The following ABCA13 variants were observed in gnomAD, a reference collection of about 807,000 sequenced individuals.
ABCA13 encodes ATP binding cassette subfamily A member 13, also known as ATP-binding cassette sub-family A member 13.
Under a neutral mutation model 478.7 loss-of-function variants are expected in ABCA13, and 476 were observed. That is an observed-to-expected ratio of 0.99 (90% CI 0.92 to 1.07). The LOEUF is 1.07. Ranked by LOEUF, ABCA13 falls within the 50% of genes least tolerant of loss-of-function variation. ABCA13 has a pLI of 0.00. For missense variants in ABCA13, 6,060 were observed against 5,910.6 expected, an observed-to-expected ratio of 1.03 and a Z score of -0.83; for synonymous variants, 2,252 against 2,158.9, an observed-to-expected ratio of 1.04 and a Z score of -1.20.
At chr7:48,398,746 G>A (rs1817195910) in intron 38 of ABCA13, among the ~76,000 whole-genome samples, 1 of 152,164 alleles carries the variant, frequency 6.6e-6, no homozygotes, top group African/African-American at 2.4e-5. Context: ...CAGGTTGGAG[G>A]TACATTTGTT....
At chr7:48,526,942 C>G (rs1372467714) in intron 54 of ABCA13, among the ~76,000 whole-genome samples, 1 of 152,068 alleles carries the variant, frequency 6.6e-6, no homozygotes, top group Non-Finnish European at 1.5e-5. Context: ...TTTTGGAAGT[C>G]ACAGCATCAT....
intron 39 of ABCA13, 134 bp downstream of exon 39, chr7:48,404,013 A>T (rs1323312795): frequency 9.1e-7 from 1 of 1,098,422 alleles, no homozygotes; most frequent in Non-Finnish European, 1.3e-6. Flanking sequence ...ATAAATTTTT[A>T]AAAGCACTTA....
chr7:48,341,855 TGA>T (rs1491105975), intron 29 of ABCA13, among the ~76,000 whole-genome samples: 6 of 134,978 alleles, frequency 4.4e-5, no homozygotes, highest in African/African-American at 1.6e-4. Flanking sequence ...TATATCTTTC[TGA>T]TATATATATA....
At chr7:48,305,850 C>G (rs1800827103) in intron 23 of ABCA13, among the ~76,000 whole-genome samples, 1 of 152,212 alleles carries the variant, frequency 6.6e-6, no homozygotes, top group Non-Finnish European at 1.5e-5. Context: ...ATCCTAAGCC[C>G]CCTTACAGCT....
At chr7:48,182,177 A>C (rs1795786754) in intron 1 of ABCA13, among the ~76,000 whole-genome samples, 1 of 152,222 alleles carries the variant, frequency 6.6e-6, no homozygotes, top group South Asian at 2.1e-4. Flanking sequence ...CGGATTCAAA[A>C]AATGTCCATA....
chr7:48,333,384 T>A (rs1805709284), intron 27 of ABCA13, among the ~76,000 whole-genome samples: 1 of 152,356 alleles, frequency 6.6e-6, no homozygotes, highest in East Asian at 1.9e-4. Flanking sequence ...AAGCATTTTT[T>A]AAATGATGGG....
At chr7:48,355,637 C>T (rs1200541991) in intron 31 of ABCA13, among the ~76,000 whole-genome samples, 1 of 151,928 alleles carries the variant, frequency 6.6e-6, no homozygotes, top group East Asian at 1.9e-4. Flanking sequence ...ATGATGGTGG[C>T]TTGGTCCAGT....
At chr7:48,225,135 G>GCCTGCCTT (rs1312566145) in intron 5 of ABCA13, among the ~76,000 whole-genome samples, 2,510 of 69,742 alleles carry the variant, frequency 0.036, 50 homozygotes, top group Admixed American at 0.059. Flanking sequence ...CTGCCTGCCT[G>GCCTGCCTT]CCTTCCTTCC....
intron 42 of ABCA13, among the ~76,000 whole-genome samples, chr7:48,440,644 T>C (rs955411963): frequency 1.3e-5 from 2 of 151,960 alleles, no homozygotes; most frequent in African/African-American, 4.8e-5. Flanking sequence ...GATTATTAGG[T>C]TCTCATAAAC....
At chr7:48,290,391 T>G (rs1486671791) in intron 20 of ABCA13, among the ~76,000 whole-genome samples, 1 of 152,168 alleles carries the variant, frequency 6.6e-6, no homozygotes, top group African/African-American at 2.4e-5. Flanking sequence ...GAGAGTCTGA[T>G]AGGTGCTGCC....
chr7:48,551,338 C>T (rs538244136), intron 55 of ABCA13, among the ~76,000 whole-genome samples: 31 of 151,974 alleles, frequency 2.0e-4, no homozygotes, highest in African/African-American at 7.5e-4. Context: ...TACATTTAAA[C>T]TTCATCTTTA....
At chr7:48,564,282 T>TG (rs1299532532) in intron 55 of ABCA13, among the ~76,000 whole-genome samples, 1 of 151,026 alleles carries the variant, frequency 6.6e-6, no homozygotes. Context: ...TTTTTTTTTT[T>TG]GAGGTAAAAT....
intron 31 of ABCA13, among the ~76,000 whole-genome samples, chr7:48,362,797 C>A (rs1481658993): frequency 6.6e-6 from 1 of 151,876 alleles, no homozygotes; most frequent in Non-Finnish European, 1.5e-5. Flanking sequence ...GTCCATCATG[C>A]AATTTTAGCT....
intron 27 of ABCA13, among the ~76,000 whole-genome samples, chr7:48,318,838 TA>T (rs1387470782): frequency 2.6e-5 from 4 of 152,000 alleles, no homozygotes; most frequent in South Asian, 4.2e-4. Context: ...GCCATGACTT[TA>T]AAAAAAGATG....
chr7:48,280,606 C>T (rs1345730677), intron 18 of ABCA13, among the ~76,000 whole-genome samples: 2 of 152,084 alleles, frequency 1.3e-5, no homozygotes, highest in African/African-American at 4.8e-5. Context: ...TTAGGGTGGT[C>T]CCTGGTCTCT....
chr7:48,217,547 AAAG>A (rs1786669451), intron 3 of ABCA13, among the ~76,000 whole-genome samples: 1 of 152,112 alleles, frequency 6.6e-6, no homozygotes, highest in African/African-American at 2.4e-5. Context: ...ATCTTATTTT[AAAG>A]ATAATCTCCC....
At chr7:48,608,041 C>T (rs1195351228) in intron 58 of ABCA13, among the ~76,000 whole-genome samples, 1 of 152,150 alleles carries the variant, frequency 6.6e-6, no homozygotes, top group African/African-American at 2.4e-5. Context: ...CCACCATGCC[C>T]AGCTAAATTT....
At chr7:48,587,809 T>C (rs1789335271) in intron 57 of ABCA13, among the ~76,000 whole-genome samples, 1 of 152,220 alleles carries the variant, frequency 6.6e-6, no homozygotes, top group African/African-American at 2.4e-5. Flanking sequence ...GAACTGCAGT[T>C]AATTTGATTT....
In ABCA13 at chr7:48,367,835, T is replaced by C; in HGVS notation, c.10730T>C (p.Met3577Thr). 6.3e-7 allele frequency: 1 copy of C among 1,579,116 alleles called. No individual in the cohort carries two copies. The highest frequency in any genetic ancestry group is 8.6e-7 in the Non-Finnish European group (1 of 1,161,282). The change falls in exon 32 of 62, where the codon ATG (methionine) becomes ACG (threonine). Residue 3577 changes from methionine to threonine, a missense_variant. By Grantham distance (81) the Met-to-Thr change is moderately conservative (BLOSUM62 -1). Around this residue, in one of 3 missense-constraint regions of ABCA13, gnomAD observed 4,423 missense variants for 4,309.1 expected, o/e 1.03. Coordinates refer to ENST00000435803, the MANE Select transcript of ABCA13 (RefSeq NM_152701.5). ...GGTTTCTTTTTTCCACTGATAATGATGCTGACGTGGATGGTGTCTGTGGCC... is the reference window on the plus strand; with the variant it reads ...GGTTTCTTTTTTCCACTGATAATGACGCTGACGTGGATGGTGTCTGTGGCC... ...NVGFFFPLIM[M>T]LTWMVSVASM...
Sources: gnomAD v4.1 joint callset for allele counts (sites outside exome capture counted in the v4.1 genomes callset) on GRCh38, gnomAD v4.1.1 for gene constraint, gnomAD v4.1.1 regional missense constraint, MANE v1.5 for transcripts, NCBI Gene and HGNC (gene_info 2026-07-23, HGNC 2026-07-21) for gene names.